The following HADHA variants were observed in gnomAD, a reference collection of about 807,000 sequenced individuals.
HADHA encodes the protein trifunctional enzyme subunit alpha, mitochondrial.
In HADHA, 59 loss-of-function variants were observed where a neutral mutation model predicts 91.3. The observed-to-expected ratio is 0.65, with a 90% CI of 0.52 to 0.80. HADHA has a LOEUF of 0.80. Among genes scored for constraint, HADHA ranks in the 30% least tolerant of loss-of-function variants. The pLI is 0.00. For synonymous variants in HADHA, 320 were observed against 338.9 expected (o/e 0.94, Z 0.61); for missense variants, 800 against 927.6 (o/e 0.86, Z 1.79).
intron 7 of HADHA, among the ~76,000 whole-genome samples, chr2:26,220,952 T>C (rs1670358826): frequency 2.0e-5 from 3 of 152,130 alleles, no homozygotes; most frequent in Non-Finnish European, 4.4e-5. Flanking sequence ...GGGAAATAAA[T>C]CCCTCCAAAA....
At chr2:26,216,479 C>T (rs1248588334) in intron 7 of HADHA, among the ~76,000 whole-genome samples, 1 of 151,870 alleles carries the variant, frequency 6.6e-6, no homozygotes, top group Non-Finnish European at 1.5e-5. Context: ...TGCCACTGTG[C>T]CCAGCTAAAT....
chr2:26,200,383 C>T (rs1231347016), intron 13 of HADHA, among the ~76,000 whole-genome samples: 1 of 152,190 alleles, frequency 6.6e-6, no homozygotes, highest in African/African-American at 2.4e-5. Context: ...CTCCCCACTT[C>T]AAGTACTTGT....
At chr2:26,230,512 T>C (rs1670597664) in intron 6 of HADHA, among the ~76,000 whole-genome samples, 1 of 152,228 alleles carries the variant, frequency 6.6e-6, no homozygotes, top group African/African-American at 2.4e-5. Context: ...AAAATGTCTT[T>C]ATCTCTTAAT....
chr2:26,205,804 T>TA (rs1669958039), intron 11 of HADHA, among the ~76,000 whole-genome samples: 39 of 149,720 alleles, frequency 2.6e-4, no homozygotes, highest in African/African-American at 5.9e-4. Context: ...TCCATTTTTT[T>TA]TAAAAAAAAA....
intron 11 of HADHA, among the ~76,000 whole-genome samples, chr2:26,207,498 A>G (rs796741754): frequency 3.3e-5 from 5 of 152,256 alleles, no homozygotes; most frequent in African/African-American, 1.2e-4. Context: ...CAAAATTTTC[A>G]TGATGGCTTT....
At chr2:26,216,275 T>C (rs1056920267) in intron 7 of HADHA, among the ~76,000 whole-genome samples, 1 of 150,940 alleles carries the variant, frequency 6.6e-6, no homozygotes, top group African/African-American at 2.4e-5. Flanking sequence ...AGGGAACCCA[T>C]AGCAGACATA....
At chr2:26,215,405 G>A (rs988992895) in intron 7 of HADHA, among the ~76,000 whole-genome samples, 3 of 152,156 alleles carry the variant, frequency 2.0e-5, no homozygotes, top group Non-Finnish European at 2.9e-5. Flanking sequence ...TGTTTCATTT[G>A]GTTTCCACTT....
chr2:26,205,084 C>T (rs939694753), intron 11 of HADHA, among the ~76,000 whole-genome samples: 2 of 152,164 alleles, frequency 1.3e-5, no homozygotes, highest in African/African-American at 4.8e-5. Flanking sequence ...CCTGGAATGG[C>T]TTCGTGTCCA....
intron 4 of HADHA, among the ~76,000 whole-genome samples, chr2:26,235,670 C>T (rs972324468): frequency 3.9e-5 from 6 of 152,214 alleles, no homozygotes; most frequent in African/African-American, 1.4e-4. Flanking sequence ...GATTACTACA[C>T]ATAAATAATT....
In HADHA at chr2:26,227,162, T is replaced by C. The variant is rs548363012; in HGVS notation, c.676+3030A>G. ...ACAGATGCTTCTTTATCAAATAAGA[T>C]ATACAGATATTCAATATCTTTGGTA... is the stretch of plus-strand genomic sequence containing the variant. On this transcript the variant is annotated intron_variant, in intron 7 of 19. Transcript: ENST00000380649. Among the ~76,000 whole-genome samples, 5 of 152,278 alleles carry C rather than the reference T, an allele frequency of 3.3e-5. No homozygotes were observed. In the East Asian group the frequency reaches 9.6e-4, roughly 29 times the overall value.
intron 11 of HADHA, among the ~76,000 whole-genome samples, chr2:26,207,672 G>A (rs1188092363): frequency 6.6e-6 from 1 of 152,180 alleles, no homozygotes. Context: ...TAAGCCAACT[G>A]CTGGGTGACA....
chr2:26,230,361 A>G, intron 6 of HADHA, 67 bp from the exon 7 acceptor site: 1 of 921,594 alleles, frequency 1.1e-6, no homozygotes, highest in Non-Finnish European at 1.8e-6. Context: ...ATAGTTTACA[A>G]ATCATCAAAT....
intron 7 of HADHA, 144 bp from the exon 8 acceptor site, chr2:26,215,319 C>G (rs570491864): frequency 2.1e-4 from 160 of 765,654 alleles, no homozygotes; most frequent in Non-Finnish European, 2.8e-4. Context: ...AGTCATAAAC[C>G]AAGAAGTCAA....
At chr2:26,192,734 CA>C (rs965732861) in intron 17 of HADHA, among the ~76,000 whole-genome samples, 2 of 148,524 alleles carry the variant, frequency 1.3e-5, no homozygotes, top group Admixed American at 1.3e-4. Flanking sequence ...GACTCTGTCT[CA>C]AAAAAAAACA....
intron 14 of HADHA, among the ~76,000 whole-genome samples, chr2:26,195,598 G>T (rs1669645728): frequency 6.6e-6 from 1 of 151,352 alleles, no homozygotes; most frequent in East Asian, 1.9e-4. Flanking sequence ...GTTTTTTTGG[G>T]CGGGGGTGGG....
intron 6 of HADHA, among the ~76,000 whole-genome samples, chr2:26,231,290 T>A (rs1010139826): frequency 6.6e-6 from 1 of 152,232 alleles, no homozygotes; most frequent in South Asian, 2.1e-4. Flanking sequence ...GCAAAGAGTA[T>A]TTCTGTTGAG....
chr2:26,197,871 C>T, intron 13 of HADHA, 94 bp from the exon 14 acceptor site: 1 of 763,558 alleles, frequency 1.3e-6, no homozygotes, highest in Admixed American at 1.8e-5. Flanking sequence ...GGGCCCAGCC[C>T]ACTCTGTCCC....
At chr2:26,219,502 G>GT (rs986734557) in intron 7 of HADHA, among the ~76,000 whole-genome samples, 24 of 152,230 alleles carry the variant, frequency 1.6e-4, no homozygotes, top group African/African-American at 5.1e-4. Context: ...CCCTGGAAGG[G>GT]TTAGAGGACG....
rs771028541 is a variant in HADHA at position 26,191,603 on chromosome 2, G to A, written c.2026C>T (p.Arg676Cys). 8 of 1,613,958 alleles carry A rather than the reference G, an allele frequency of 5.0e-6. No individual in the cohort carries two copies. The highest frequency in any genetic ancestry group is 4.5e-5 in the East Asian group (2 of 44,886). Reference sequence around the variant, plus strand: ...TCATTCACAAATCTTGTCACCAGGCGGAACTGGATGTCTTCGTCTGATGAG... The same window carrying A: ...TCATTCACAAATCTTGTCACCAGGCAGAACTGGATGTCTTCGTCTGATGAG... ...EVSSDEDIQFRLVTRFVNEAV... is the reference protein window; with the variant it reads ...EVSSDEDIQFCLVTRFVNEAV... Residue 676 changes from arginine (R) to cysteine (C), a missense_variant, in exon 19 of 20, where the codon CGC (arginine) becomes TGC (cysteine). By Grantham distance (180) the Arg-to-Cys change is radical. Coordinates refer to ENST00000380649, the MANE Select transcript of HADHA (RefSeq NM_000182.5).
Sources: gnomAD v4.1 joint callset for allele counts (sites outside exome capture counted in the v4.1 genomes callset) on GRCh38, gnomAD v4.1.1 for gene constraint, MANE v1.5 for transcripts, NCBI Gene and HGNC (gene_info 2026-07-23, HGNC 2026-07-21) for gene names.